STARD13: variants seen among roughly 807,000 people sequenced by gnomAD.
STARD13 encodes StAR related lipid transfer domain containing 13.
Under a neutral mutation model 106.4 loss-of-function variants are expected in STARD13, and 62 were observed. That is an observed-to-expected ratio of 0.58 (90% CI 0.48 to 0.72). The LOEUF (loss-of-function observed/expected upper bound fraction) is 0.72, where lower values mean the gene tolerates loss of function less well. Ranked by LOEUF, STARD13 falls within the 30% of genes least tolerant of loss-of-function variation. The probability of loss-of-function intolerance (pLI) is 0.00; values close to 1 mark genes in which losing one functional copy is unlikely to be tolerated. For synonymous variants in STARD13, 565 were observed against 553.0 expected, an observed-to-expected ratio of 1.02 and a Z score of -0.31; for missense variants, 1,387 against 1,424.0, an observed-to-expected ratio of 0.97 and a Z score of 0.42.
intron 1 of STARD13, among the ~76,000 whole-genome samples, chr13:33,189,327 G>A (rs886237398): frequency 1.3e-5 from 2 of 150,776 alleles, no homozygotes; most frequent in African/African-American, 4.9e-5. Flanking sequence ...AAAGGAGGAA[G>A]TGGGAATGGC....
chr13:33,511,755 CA>C, the STARD13 span, among the ~76,000 whole-genome samples: 1 of 152,176 alleles, frequency 6.6e-6, no homozygotes, highest in African/African-American at 2.4e-5. Flanking sequence ...AAATGGATAT[CA>C]AAAAGTTCCG....
At chr13:33,167,424 A>G in intron 2 of STARD13, 127 bp downstream of exon 2, 1 of 877,846 alleles carries the variant, frequency 1.1e-6, no homozygotes, top group Non-Finnish European at 1.8e-6. Context: ...AAAAAGGCCG[A>G]GGGAAAAAGA....
chr13:33,640,054 G>T, the STARD13 span, among the ~76,000 whole-genome samples: 1 of 152,222 alleles, frequency 6.6e-6, no homozygotes, highest in Non-Finnish European at 1.5e-5. Flanking sequence ...CCTAAAGCAG[G>T]TGTACAATCT....
the STARD13 span, among the ~76,000 whole-genome samples, chr13:33,615,888 T>A: frequency 6.6e-6 from 1 of 152,212 alleles, no homozygotes; most frequent in African/African-American, 2.4e-5. Flanking sequence ...TTAATACTAA[T>A]TGCGTACCTA....
chr13:33,393,507 G>A, the STARD13 span, among the ~76,000 whole-genome samples: 1 of 152,034 alleles, frequency 6.6e-6, no homozygotes, highest in African/African-American at 2.4e-5. Context: ...TTATAAAGTG[G>A]GATTATCTGC....
At chr13:33,387,628 G>A in the STARD13 span, among the ~76,000 whole-genome samples, 1 of 152,158 alleles carries the variant, frequency 6.6e-6, no homozygotes, top group Non-Finnish European at 1.5e-5. Context: ...GAGATATAAG[G>A]TTTATTGGGG....
At chr13:33,176,778 C>T (rs905883963) in intron 1 of STARD13, among the ~76,000 whole-genome samples, 6 of 152,074 alleles carry the variant, frequency 3.9e-5, no homozygotes, top group South Asian at 2.1e-4. Flanking sequence ...TCTAAACACA[C>T]GGCATACTCA....
the STARD13 span, among the ~76,000 whole-genome samples, chr13:33,474,607 C>T: frequency 6.6e-6 from 1 of 151,286 alleles, no homozygotes; most frequent in African/African-American, 2.4e-5. Context: ...TACCAGCTGG[C>T]TTTAAAATTA....
At chr13:33,425,000 T>C in the STARD13 span, among the ~76,000 whole-genome samples, 1 of 152,234 alleles carries the variant, frequency 6.6e-6, no homozygotes, top group African/African-American at 2.4e-5. Context: ...GAGCTGCTGA[T>C]TGTTACTGAA....
chr13:33,589,904 A>G, the STARD13 span, among the ~76,000 whole-genome samples: 3 of 152,030 alleles, frequency 2.0e-5, no homozygotes, highest in Non-Finnish European at 2.9e-5. Context: ...TGGGGTGTTA[A>G]AGTCTCCCAT....
the STARD13 span, among the ~76,000 whole-genome samples, chr13:33,562,812 C>T: frequency 1.4e-5 from 2 of 146,816 alleles, no homozygotes; most frequent in Admixed American, 7.0e-5. Context: ...ATATTACAGA[C>T]AACTTCCTAG....
In STARD13 at chr13:33,285,642, G is replaced by C. The variant is rs77153439; in HGVS notation, c.-4C>G. 4.9e-4 allele frequency: 783 copies of C among 1,612,170 alleles called. 2 individuals carry two copies. In the African/African-American group the frequency reaches 9.4e-3, roughly 19 times the overall value. On this transcript the variant is annotated 5_prime_UTR_variant, in exon 1 of 14. Coordinates refer to ENST00000336934, the MANE Select transcript of STARD13 (RefSeq NM_178006.4). ...TCCTGGGCACCTGACTGAACATCTC[G>C]GCAGATTTCCTATTGCCACCTCAGT... is the stretch of plus-strand genomic sequence containing the variant.
chr13:33,178,451 C>T (rs1884926001), intron 1 of STARD13, among the ~76,000 whole-genome samples: 1 of 152,152 alleles, frequency 6.6e-6, no homozygotes. Context: ...TCTGGGTTGA[C>T]ATTTCTCATG....
chr13:33,381,511 G>T, the STARD13 span, among the ~76,000 whole-genome samples: 2 of 152,132 alleles, frequency 1.3e-5, no homozygotes, highest in African/African-American at 4.8e-5. Flanking sequence ...AGGCCGAGGT[G>T]GGCTGACCAT....
the STARD13 span, among the ~76,000 whole-genome samples, chr13:33,452,141 G>A: frequency 6.6e-6 from 1 of 152,150 alleles, no homozygotes; most frequent in Non-Finnish European, 1.5e-5. Flanking sequence ...GAACACAGGT[G>A]CAAATACAAG....
chr13:33,217,028 T>G (rs753892657), intron 1 of STARD13, among the ~76,000 whole-genome samples: 2 of 152,128 alleles, frequency 1.3e-5, no homozygotes, highest in Non-Finnish European at 2.9e-5. Context: ...CTGCATGCTT[T>G]TTATAAACAG....
chr13:33,288,376 T>C (rs765612993), upstream of STARD13, among the ~76,000 whole-genome samples: 67 of 151,976 alleles, frequency 4.4e-4, no homozygotes, highest in Non-Finnish European at 7.6e-4. Flanking sequence ...GCTCAAGTGA[T>C]TCTCTTGCCT....
At chr13:33,338,355 C>A (rs558068460) in intron 1 of STARD13, among the ~76,000 whole-genome samples, 2 of 152,144 alleles carry the variant, frequency 1.3e-5, no homozygotes, top group Non-Finnish European at 2.9e-5. Context: ...CAATTTCTCT[C>A]ATTTTAATTA....
chr13:33,396,313 A>G, the STARD13 span, among the ~76,000 whole-genome samples: 1 of 152,324 alleles, frequency 6.6e-6, no homozygotes, highest in African/African-American at 2.4e-5. Context: ...GCTTCTCCTC[A>G]AGACCAAAAC....
Sources: gnomAD v4.1 joint callset for allele counts (sites outside exome capture counted in the v4.1 genomes callset) on GRCh38, gnomAD v4.1.1 for gene constraint, MANE v1.5 for transcripts, NCBI Gene and HGNC (gene_info 2026-07-23, HGNC 2026-07-21) for gene names.